ERCC8: variants seen among roughly 807,000 people sequenced by gnomAD.
ERCC8 encodes the protein ERCC excision repair 8, CSA ubiquitin ligase complex subunit, also known as DNA excision repair protein ERCC-8.
In ERCC8, 52 loss-of-function variants were observed where a neutral mutation model predicts 54.9. That is an observed-to-expected ratio of 0.95 (90% CI 0.76 to 1.19). ERCC8 has a LOEUF of 1.19. Ranked by LOEUF, ERCC8 falls within the 50% of genes most tolerant of loss-of-function variation. ERCC8 has a pLI of 0.00. For missense variants in ERCC8, 514 were observed against 466.1 expected (o/e 1.10, Z -0.95); for synonymous variants, 146 against 157.2 (o/e 0.93, Z 0.53).
chr5:60,893,893 T>A (rs1400302634), intron 9 of ERCC8, among the ~76,000 whole-genome samples: 1 of 151,882 alleles, frequency 6.6e-6, no homozygotes, highest in African/African-American at 2.4e-5. Context: ...TCACTATCCA[T>A]CTCTAGAACT....
intron 1 of ERCC8, among the ~76,000 whole-genome samples, chr5:60,937,402 G>A (rs1310228226): frequency 6.6e-6 from 1 of 152,154 alleles, no homozygotes; most frequent in African/African-American, 2.4e-5. Flanking sequence ...GGCAGGTAGA[G>A]AAAAACCATC....
intron 2 of ERCC8, among the ~76,000 whole-genome samples, chr5:60,925,005 T>C (rs1468610324): frequency 6.6e-6 from 1 of 152,178 alleles, no homozygotes; most frequent in African/African-American, 2.4e-5. Context: ...GATACTTCTT[T>C]CCGGTGTGAC....
chr5:60,907,833 AT>A (rs1749123859), intron 4 of ERCC8, among the ~76,000 whole-genome samples: 1 of 152,000 alleles, frequency 6.6e-6, no homozygotes, highest in South Asian at 2.1e-4. Flanking sequence ...GCTATCTCTA[AT>A]TCCTTATCTC....
intron 1 of ERCC8, among the ~76,000 whole-genome samples, chr5:60,944,078 CCT>C (rs1483060040): frequency 1.3e-5 from 2 of 152,124 alleles, no homozygotes; most frequent in African/African-American, 4.8e-5. Context: ...TTTGGAAAAC[CCT>C]CTCTCAGAGT....
chr5:60,929,878 C>G (rs1162017472), intron 1 of ERCC8, among the ~76,000 whole-genome samples: 1 of 152,140 alleles, frequency 6.6e-6, no homozygotes, highest in South Asian at 2.1e-4. Flanking sequence ...ACTAATTTAA[C>G]CAGAATTATT....
At chr5:60,916,951 T>C (rs1469739505) in intron 4 of ERCC8, among the ~76,000 whole-genome samples, 1 of 152,008 alleles carries the variant, frequency 6.6e-6, no homozygotes, top group Non-Finnish European at 1.5e-5. Context: ...CAAACAAGTA[T>C]GAAAATGATA....
At chr5:60,920,586 T>C (rs1479432128) in intron 3 of ERCC8, among the ~76,000 whole-genome samples, 2 of 151,950 alleles carry the variant, frequency 1.3e-5, no homozygotes, top group Non-Finnish European at 2.9e-5. Flanking sequence ...ATAGTCTTTA[T>C]TGAAATTATT....
intron 4 of ERCC8, among the ~76,000 whole-genome samples, chr5:60,915,861 C>T (rs1378263855): frequency 2.0e-5 from 3 of 151,980 alleles, no homozygotes; most frequent in Admixed American, 6.6e-5. Context: ...AATTCCCCTT[C>T]GTATGTTCTA....
At chr5:60,893,597 G>A (rs1748633166) in intron 9 of ERCC8, 2 of 633,342 alleles carry the variant, frequency 3.2e-6, no homozygotes, top group Admixed American at 5.1e-5. Context: ...CTTGAAAGCA[G>A]ATAGGTTCGA....
intron 4 of ERCC8, among the ~76,000 whole-genome samples, chr5:60,913,892 G>A (rs1193818889): frequency 6.6e-6 from 1 of 152,124 alleles, no homozygotes; most frequent in Admixed American, 6.6e-5. Context: ...TTCCCACGCA[G>A]TTGTGTGGTT....
At chr5:60,904,638 A>G (rs1373432277) in intron 5 of ERCC8, 154 bp downstream of exon 5, 388 of 26,718 alleles carry the variant, frequency 0.015, 2 homozygotes, top group African/African-American at 0.066. Context: ...GTGTGTGTAT[A>G]TATATATATA....
At chr5:60,924,744 T>C (rs1034661731) in intron 2 of ERCC8, among the ~76,000 whole-genome samples, 9 of 152,136 alleles carry the variant, frequency 5.9e-5, no homozygotes, top group Non-Finnish European at 1.0e-4. Context: ...GTTCATTTCT[T>C]TTTGGCTTTT....
In ERCC8 at chr5:60,869,886, G is replaced by A. The variant is rs990341514; in HGVS notation, c.*4729C>T. 2.0e-5 allele frequency among the ~76,000 whole-genome samples: 3 copies of A among 152,142 alleles called. No homozygotes were observed. Among genetic ancestry groups the A allele is most frequent in the Non-Finnish European group, 4.4e-5 (3 of 68,028 alleles). Reference sequence around the variant, plus strand: ...GCAGAATATAAGTACCTTAGGTGACGAAAGGACAGCCAAGACAGCGTGAAA... The same window carrying A: ...GCAGAATATAAGTACCTTAGGTGACAAAAGGACAGCCAAGACAGCGTGAAA... On this transcript the variant is annotated 3_prime_UTR_variant, in exon 12 of 12. Transcript: ENST00000676185.
At chr5:60,941,316 G>A (rs1400678285) in intron 1 of ERCC8, among the ~76,000 whole-genome samples, 1 of 152,166 alleles carries the variant, frequency 6.6e-6, no homozygotes, top group South Asian at 2.1e-4. Flanking sequence ...ACAGATTGGA[G>A]ATGGCAGAGG....
chr5:60,925,745 C>T (rs918579519), intron 2 of ERCC8, among the ~76,000 whole-genome samples: 3 of 152,128 alleles, frequency 2.0e-5, no homozygotes, highest in Admixed American at 6.6e-5. Flanking sequence ...TCTGGTTTTT[C>T]CTATTTGCCA....
In ERCC8 at chr5:60,903,672, C is replaced by T. The variant is rs1748968168; in HGVS notation, c.526G>A (p.Gly176Arg). The T allele has an allele frequency of 6.2e-7, 1 of 1,612,742 alleles. No individual in the cohort carries two copies. The highest frequency in any genetic ancestry group is 8.5e-7 in the Non-Finnish European group (1 of 1,179,238). Residue 176 changes from glycine to arginine, a missense_variant, in exon 6 of 12, where the codon GGA becomes AGA. By Grantham distance (125) the Gly-to-Arg change is moderately radical. Transcript: ENST00000676185. ...CCCTGTAGAATGTGAGAACAGGATCCAGACTTCAAGTCACAAAGTTGTACT... is the reference window on the plus strand; with the variant it reads ...CCCTGTAGAATGTGAGAACAGGATCTAGACTTCAAGTCACAAAGTTGTACT... ...PKVQLCDLKSGSCSHILQGHR... is the reference protein window; with the variant it reads ...PKVQLCDLKSRSCSHILQGHR...
chr5:60,922,064 A>C lies in ERCC8; in HGVS notation c.265T>G (p.Ser89Ala), dbSNP rs780499829. Residue 89 changes from serine (S) to alanine (A), a missense_variant, in exon 3 of 12, where the codon TCC (serine) becomes GCC (alanine). Transcript: ENST00000676185. ...ATTTTAAATACATACCTGCCAATGG[A>C]ACACACTGCTTTACATGTGTAATAA... ...QSYYTCKAVC[S>A]IGRDHPDVHR... The C allele has an allele frequency of 6.2e-7, 1 of 1,603,646 alleles. No individual in the cohort carries two copies. Among genetic ancestry groups the C allele is most frequent in the South Asian group, 1.1e-5 (1 of 90,236 alleles).
chr5:60,899,414 G>A (rs1052744549), intron 8 of ERCC8, among the ~76,000 whole-genome samples: 2 of 151,824 alleles, frequency 1.3e-5, no homozygotes, highest in African/African-American at 2.4e-5. Context: ...AAAATTTGGG[G>A]GCAAATGAAA....
At chr5:60,942,100 CA>C (rs1292307477) in intron 1 of ERCC8, among the ~76,000 whole-genome samples, 1 of 151,784 alleles carries the variant, frequency 6.6e-6, no homozygotes, top group Non-Finnish European at 1.5e-5. Context: ...AAGAATTATA[CA>C]AAAAGATATA....
Sources: allele counts gnomAD v4.1 joint callset (sites outside exome capture counted in the v4.1 genomes callset), GRCh38; gene constraint gnomAD v4.1.1; transcripts MANE v1.5; gene names NCBI Gene and HGNC (gene_info 2026-07-23, HGNC 2026-07-21).